Variants in GRID1 observed in about 807,000 individuals in gnomAD.
GRID1 encodes the protein glutamate ionotropic receptor delta type subunit 1.
Under a neutral mutation model 98.0 loss-of-function variants are expected in GRID1, and 28 were observed. The ratio of observed to expected loss-of-function variants is 0.29; its 90% CI spans 0.21 to 0.39. GRID1 has a LOEUF of 0.39. GRID1 is among the 10% of genes least tolerant of loss of function. The pLI is 1.00. For synonymous variants in GRID1, 553 were observed against 538.5 expected, an observed-to-expected ratio of 1.03 and a Z score of -0.37; for missense variants, 1,111 against 1,340.5, an observed-to-expected ratio of 0.83 and a Z score of 2.67.
chr10:86,139,171 G>A (rs1421419326), intron 3 of GRID1, 147 bp from the exon 4 acceptor site: 3 of 637,906 alleles, frequency 4.7e-6, no homozygotes, highest in Non-Finnish European at 2.8e-6. Context: ...CCCGTAAACA[G>A]AGGTTGGAGG....
intron 6 of GRID1, among the ~76,000 whole-genome samples, chr10:85,865,916 T>TATATATATATATATATATATAC: frequency 1.2e-5 from 1 of 83,022 alleles, no homozygotes; most frequent in South Asian, 4.4e-4. Context: ...TATATACATA[T>TATATATATATATATATATATAC]ATATATATAT....
intron 6 of GRID1, among the ~76,000 whole-genome samples, chr10:85,861,574 C>T (rs905239531): frequency 3.9e-5 from 6 of 152,218 alleles, no homozygotes; most frequent in Admixed American, 3.3e-4. Flanking sequence ...AATACCCTGA[C>T]TCTGGTTCCT....
At chr10:86,183,375 T>A (rs1301939668) in intron 3 of GRID1, among the ~76,000 whole-genome samples, 1 of 145,748 alleles carries the variant, frequency 6.9e-6, no homozygotes, top group Non-Finnish European at 1.5e-5. Context: ...TATTTATTTA[T>A]TGAGATAGAG....
chr10:86,360,545 A>G (rs1431864520), intron 2 of GRID1, among the ~76,000 whole-genome samples: 1 of 152,262 alleles, frequency 6.6e-6, no homozygotes, highest in Non-Finnish European at 1.5e-5. Flanking sequence ...TGAAAAGGTC[A>G]GTTTAGGTCC....
chr10:86,091,527 C>A (rs1844148260), intron 4 of GRID1, among the ~76,000 whole-genome samples: 2 of 152,054 alleles, frequency 1.3e-5, no homozygotes, highest in Non-Finnish European at 2.9e-5. Context: ...GCCCCGCCCC[C>A]ACCTGATGGT....
At chr10:86,302,419 A>G (rs766802972) in intron 2 of GRID1, among the ~76,000 whole-genome samples, 1 of 152,210 alleles carries the variant, frequency 6.6e-6, no homozygotes, top group Non-Finnish European at 1.5e-5. Context: ...GATGCAACCA[A>G]TGAATCCTCT....
intron 8 of GRID1, among the ~76,000 whole-genome samples, chr10:85,743,390 A>G (rs983214265): frequency 1.3e-5 from 2 of 152,148 alleles, no homozygotes; most frequent in African/African-American, 4.8e-5. Flanking sequence ...TTTCTGACAT[A>G]CAGAATCCAT....
At chr10:86,126,283 G>GGTT (rs1844752044) in intron 4 of GRID1, among the ~76,000 whole-genome samples, 1 of 152,056 alleles carries the variant, frequency 6.6e-6, no homozygotes, top group Non-Finnish European at 1.5e-5. Context: ...GCGAAACCCC[G>GGTT]TCTCTACTAA....
chr10:86,212,631 A>G (rs74149227), intron 2 of GRID1, among the ~76,000 whole-genome samples: 333 of 152,164 alleles, frequency 2.2e-3, no homozygotes, highest in African/African-American at 7.4e-3. Context: ...TTCCTCCAAT[A>G]ATCTTAACCT....
chr10:85,989,690 G>A (rs1031642865), intron 4 of GRID1, among the ~76,000 whole-genome samples: 5 of 152,230 alleles, frequency 3.3e-5, no homozygotes, highest in South Asian at 2.1e-4. Context: ...CCACTGGTCC[G>A]TGGAAACATT....
At chr10:86,351,261 G>C (rs562251374) in intron 2 of GRID1, among the ~76,000 whole-genome samples, 1 of 152,230 alleles carries the variant, frequency 6.6e-6, no homozygotes, top group African/African-American at 2.4e-5. Context: ...TGCACAAGAC[G>C]GTGTATGTGG....
chr10:85,968,227 G>C (rs1047756527), intron 4 of GRID1, among the ~76,000 whole-genome samples: 1 of 152,048 alleles, frequency 6.6e-6, no homozygotes, highest in Non-Finnish European at 1.5e-5. Flanking sequence ...GAGGCGGGTG[G>C]ATCACAAGGT....
At chr10:86,363,034 G>A (rs904089950) in intron 2 of GRID1, among the ~76,000 whole-genome samples, 4 of 152,286 alleles carry the variant, frequency 2.6e-5, no homozygotes, top group Non-Finnish European at 4.4e-5. Context: ...GACTTAAGCC[G>A]GGTAAGTGTC....
At chr10:86,235,270 G>A (rs1278085338) in intron 2 of GRID1, among the ~76,000 whole-genome samples, 1 of 152,224 alleles carries the variant, frequency 6.6e-6, no homozygotes, top group Admixed American at 6.5e-5. Context: ...TCCTGCCCGA[G>A]GCTGACCTCT....
At chr10:86,361,995 T>C (rs1291882405) in intron 2 of GRID1, among the ~76,000 whole-genome samples, 1 of 152,148 alleles carries the variant, frequency 6.6e-6, no homozygotes, top group East Asian at 1.9e-4. Flanking sequence ...CGGACGGGCA[T>C]CATTCAGAGG....
intron 4 of GRID1, among the ~76,000 whole-genome samples, chr10:86,017,195 G>A (rs1412515800): frequency 6.6e-6 from 1 of 152,170 alleles, no homozygotes; most frequent in Non-Finnish European, 1.5e-5. Flanking sequence ...ATCTCTCCAA[G>A]GTTCAATTCC....
At chr10:86,017,073 G>A (rs558806009) in intron 4 of GRID1, among the ~76,000 whole-genome samples, 1 of 152,184 alleles carries the variant, frequency 6.6e-6, no homozygotes, top group Non-Finnish European at 1.5e-5. Context: ...AGAGATCAAA[G>A]GTTACAGACA....
At chr10:86,163,059 A>C (rs1245593589) in intron 3 of GRID1, among the ~76,000 whole-genome samples, 2 of 152,212 alleles carry the variant, frequency 1.3e-5, no homozygotes, top group African/African-American at 4.8e-5. Context: ...TGAGATTCCA[A>C]AACTGAGGGC....
At chr10:86,036,477 C>A (rs1355045446) in intron 4 of GRID1, among the ~76,000 whole-genome samples, 1 of 152,198 alleles carries the variant, frequency 6.6e-6, no homozygotes, top group Non-Finnish European at 1.5e-5. Context: ...GGCACTGTGA[C>A]CACATCGCCG....
Sources: allele counts gnomAD v4.1 joint callset (sites outside exome capture counted in the v4.1 genomes callset), GRCh38; gene constraint gnomAD v4.1.1; transcripts MANE v1.5; gene names NCBI Gene and HGNC (gene_info 2026-07-23, HGNC 2026-07-21).